The following EYA2 variants were observed in gnomAD, a reference collection of about 807,000 sequenced individuals.
EYA2 encodes EYA transcriptional coactivator and phosphatase 2, also known as protein phosphatase EYA2.
Under a neutral mutation model 69.2 loss-of-function variants are expected in EYA2, and 31 were observed. That is an observed-to-expected ratio of 0.45 (90% CI 0.34 to 0.60). The LOEUF (loss-of-function observed/expected upper bound fraction) is 0.60. Among genes scored for constraint, EYA2 ranks in the 20% least tolerant of loss-of-function variants. The pLI is 0.02. For synonymous variants in EYA2, 257 were observed against 279.4 expected, an observed-to-expected ratio of 0.92 and a Z score of 0.80; for missense variants, 622 against 701.2, an observed-to-expected ratio of 0.89 and a Z score of 1.28.
At chr20:46,941,344 G>A (rs1313540639) in intron 1 of EYA2, among the ~76,000 whole-genome samples, 6 of 152,208 alleles carry the variant, frequency 3.9e-5, no homozygotes, top group East Asian at 3.8e-4. Flanking sequence ...TAAGTCCACC[G>A]GAAGTAGAAC....
At chr20:46,897,640 C>G (rs1245717726) in intron 1 of EYA2, among the ~76,000 whole-genome samples, 1 of 152,130 alleles carries the variant, frequency 6.6e-6, no homozygotes, top group African/African-American at 2.4e-5. Flanking sequence ...AATAAAATCG[C>G]AGGCCGTAAT....
intron 7 of EYA2, among the ~76,000 whole-genome samples, chr20:47,084,298 TG>T (rs2031823197): frequency 1.3e-5 from 2 of 152,134 alleles, no homozygotes; most frequent in South Asian, 4.1e-4. Flanking sequence ...CCCAGCACTT[TG>T]GGAGGCCAAG....
chr20:47,154,819 TTGTGTGTG>T (rs11472542), intron 10 of EYA2, among the ~76,000 whole-genome samples: 3,594 of 140,876 alleles, frequency 0.026, 143 homozygotes, highest in African/African-American at 0.083. Flanking sequence ...TTATTTTGTT[TTGTGTGTG>T]TGTGTGTGTG....
intron 2 of EYA2, among the ~76,000 whole-genome samples, chr20:46,996,963 GCTCGA>G (rs1982065742): frequency 6.6e-6 from 1 of 152,114 alleles, no homozygotes; most frequent in African/African-American, 2.4e-5. Context: ...CCAGAAAGTG[GCTCGA>G]GACTATGACA....
At chr20:46,906,196 A>T (rs1370805513) in intron 1 of EYA2, among the ~76,000 whole-genome samples, 4 of 152,248 alleles carry the variant, frequency 2.6e-5, no homozygotes, top group African/African-American at 9.6e-5. Flanking sequence ...CCATCAAGTA[A>T]TTGATAGCAA....
At position 47,103,554 on chromosome 20, in the gene EYA2, A is replaced by G. The variant is rs1600711274; in HGVS notation, c.888+6386A>G. 2.0e-5 allele frequency among the ~76,000 whole-genome samples: 3 copies of G among 152,238 alleles called. 1 individual carries two copies. Among genetic ancestry groups the G allele is most frequent in the South Asian group, 4.1e-4 (2 of 4,834 alleles). On this transcript the variant is annotated intron_variant, in intron 9 of 15. Coordinates refer to ENST00000327619, the MANE Select transcript of EYA2 (RefSeq NM_005244.5). ...AGAGGCCTCAGGAAAGTTAACGAAC[A>G]TGGCAGAAGAGGAAGCAAACACTTC...
chr20:46,987,007 G>C (rs1358970469), intron 1 of EYA2, among the ~76,000 whole-genome samples: 1 of 152,138 alleles, frequency 6.6e-6, no homozygotes, highest in African/African-American at 2.4e-5. Context: ...TGAGATAAGG[G>C]CTTTCTTATT....
intron 5 of EYA2, among the ~76,000 whole-genome samples, chr20:47,017,575 A>T (rs950143582): frequency 4.6e-5 from 7 of 152,172 alleles, no homozygotes; most frequent in Non-Finnish European, 1.0e-4. Flanking sequence ...GAGAATAAAT[A>T]ATCTTAGGTA....
intron 5 of EYA2, among the ~76,000 whole-genome samples, chr20:47,065,995 G>A (rs1438426231): frequency 1.3e-5 from 2 of 152,200 alleles, no homozygotes; most frequent in African/African-American, 4.8e-5. Flanking sequence ...ATTGTTGAAT[G>A]CCTGAGGGAA....
chr20:47,169,324 G>A (rs1164900068), intron 11 of EYA2, 127 bp downstream of exon 11: 1 of 891,430 alleles, frequency 1.1e-6, no homozygotes, highest in African/African-American at 1.6e-5. Context: ...CCTCCAGCCA[G>A]AACTGGGACT....
chr20:46,936,209 C>T (rs533427951), intron 1 of EYA2, among the ~76,000 whole-genome samples: 26 of 152,200 alleles, frequency 1.7e-4, no homozygotes, highest in Non-Finnish European at 3.1e-4. Context: ...CAGTGGTTCA[C>T]GCCTATAATC....
intron 1 of EYA2, among the ~76,000 whole-genome samples, chr20:46,989,423 G>A (rs147395410): frequency 0.022 from 3,388 of 152,186 alleles, 128 homozygotes; most frequent in African/African-American, 0.077. Flanking sequence ...ACGCCACCAC[G>A]CCCAGCTAAT....
In EYA2 at chr20:47,143,079, C is replaced by A. The variant is rs1282109672; in HGVS notation, c.909C>A (p.Arg303=). ...RYGKDTTTSV[R]IGLMMEEMIF... ...CGCAGGACACCACGACGTCCGTGCGCATTGGCCTTATGATGGAAGAGATGA... is the reference window on the plus strand; with the variant it reads ...CGCAGGACACCACGACGTCCGTGCGAATTGGCCTTATGATGGAAGAGATGA... Residue 303 remains arginine, a synonymous_variant, in exon 10 of 16, where the codon CGC becomes CGA. Transcript: ENST00000327619. 6.2e-7 allele frequency: 1 copy of A among 1,613,972 alleles called. No individual in the cohort carries two copies. The highest frequency in any genetic ancestry group is 8.5e-7 in the Non-Finnish European group (1 of 1,179,934).
intron 5 of EYA2, among the ~76,000 whole-genome samples, chr20:47,048,035 C>G (rs991230849): frequency 7.9e-5 from 12 of 152,288 alleles, no homozygotes; most frequent in African/African-American, 2.6e-4. Flanking sequence ...CCAGGATCAT[C>G]TGCCCATCTC....
chr20:47,137,136 G>T (rs1272831042), intron 9 of EYA2, among the ~76,000 whole-genome samples: 1 of 151,758 alleles, frequency 6.6e-6, no homozygotes, highest in Non-Finnish European at 1.5e-5. Context: ...GGTTTAAATT[G>T]ATTTTTTTTA....
chr20:47,038,830 A>G (rs1338899005), intron 5 of EYA2, among the ~76,000 whole-genome samples: 1 of 152,162 alleles, frequency 6.6e-6, no homozygotes, highest in Non-Finnish European at 1.5e-5. Context: ...AGTACTTTAG[A>G]TACCTCACGT....
chr20:47,037,092 G>T (rs1397067944), intron 5 of EYA2, among the ~76,000 whole-genome samples: 1 of 152,170 alleles, frequency 6.6e-6, no homozygotes, highest in Admixed American at 6.5e-5. Flanking sequence ...TAAGGTGGCA[G>T]GAAGGAGAAG....
At chr20:46,933,992 A>G (rs538197651) in intron 1 of EYA2, among the ~76,000 whole-genome samples, 1 of 152,336 alleles carries the variant, frequency 6.6e-6, no homozygotes, top group East Asian at 1.9e-4. Flanking sequence ...GGGAATTTGG[A>G]GATAAGTGAG....
chr20:46,957,529 TCA>T (rs74176892), intron 1 of EYA2, among the ~76,000 whole-genome samples: 2,031 of 19,986 alleles, frequency 0.1, 168 homozygotes, highest in East Asian at 0.4. Flanking sequence ...GAAGGAGATT[TCA>T]CACACACACA....
Sources: allele counts gnomAD v4.1 joint callset (sites outside exome capture counted in the v4.1 genomes callset), GRCh38; gene constraint gnomAD v4.1.1; transcripts MANE v1.5; gene names NCBI Gene and HGNC (gene_info 2026-07-23, HGNC 2026-07-21).